Variants in DCC observed in about 807,000 individuals in gnomAD.
DCC encodes DCC netrin 1 receptor, also known as netrin receptor DCC.
DCC carries 58 observed loss-of-function variants against 172.5 expected under a neutral mutation model. That is an observed-to-expected ratio of 0.34 (90% CI 0.27 to 0.42). DCC has a LOEUF of 0.42. DCC is among the 10% of genes least tolerant of loss of function. DCC has a pLI of 1.00. For missense variants in DCC, 1,740 were observed against 1,791.0 expected (o/e 0.97, Z 0.51); for synonymous variants, 709 against 644.5 (o/e 1.10, Z -1.52).
At chr18:53,060,008 C>A (rs1373117134) in intron 5 of DCC, among the ~76,000 whole-genome samples, 2 of 151,132 alleles carry the variant, frequency 1.3e-5, no homozygotes, top group East Asian at 3.9e-4. Context: ...GACTTAGACT[C>A]ATTTTTTTTT....
At chr18:53,229,358 T>C in intron 12 of DCC, among the ~76,000 whole-genome samples, 1 of 152,140 alleles carries the variant, frequency 6.6e-6, no homozygotes, top group East Asian at 1.9e-4. Flanking sequence ...GTGAGCCCTA[T>C]GTTAAACACA....
chr18:52,782,157 A>T (rs933727983), intron 2 of DCC, among the ~76,000 whole-genome samples: 5 of 152,156 alleles, frequency 3.3e-5, no homozygotes, highest in Non-Finnish European at 5.9e-5. Context: ...AAACAAAAGG[A>T]TCTTTACAAA....
intron 7 of DCC, among the ~76,000 whole-genome samples, chr18:53,082,083 C>A (rs1353272699): frequency 6.6e-6 from 1 of 152,058 alleles, no homozygotes; most frequent in Non-Finnish European, 1.5e-5. Context: ...CCCCATGCAG[C>A]AGTAATGGAA....
At chr18:53,035,718 G>T (rs2042083697) in intron 5 of DCC, among the ~76,000 whole-genome samples, 1 of 151,956 alleles carries the variant, frequency 6.6e-6, no homozygotes, top group Admixed American at 6.6e-5. Context: ...TCATGTAACG[G>T]GGTAGTTGGC....
chr18:53,365,091 A>G (rs1156588674), intron 15 of DCC, among the ~76,000 whole-genome samples: 1 of 151,288 alleles, frequency 6.6e-6, no homozygotes, highest in East Asian at 1.9e-4. Context: ...CCACCCCACA[A>G]CAGGCCCTGG....
intron 1 of DCC, among the ~76,000 whole-genome samples, chr18:52,558,325 G>A (rs775280687): frequency 4.6e-5 from 7 of 151,728 alleles, no homozygotes; most frequent in Non-Finnish European, 1.0e-4. Flanking sequence ...TATGAATAAC[G>A]CTATATTTAG....
intron 2 of DCC, among the ~76,000 whole-genome samples, chr18:52,805,894 T>C (rs771120791): frequency 1.3e-5 from 2 of 152,210 alleles, no homozygotes; most frequent in Non-Finnish European, 2.9e-5. Flanking sequence ...TGAAATATCC[T>C]CTTTTTATTT....
chr18:52,381,275 C>T (rs970439006), intron 1 of DCC, among the ~76,000 whole-genome samples: 1 of 152,072 alleles, frequency 6.6e-6, no homozygotes, highest in Non-Finnish European at 1.5e-5. Flanking sequence ...TCTGGATTTA[C>T]TTAAGGGGGA....
rs539410772 is a variant in DCC, at chr18:53,378,803, G to A, written c.2360-7240G>A. 3.3e-5 allele frequency among the ~76,000 whole-genome samples: 5 copies of A among 152,286 alleles called. No individual in the cohort carries two copies. In the South Asian group the frequency reaches 1.0e-3, roughly 32 times the overall value. ...TCAAATACTTTCTCACACTGAGTAG[G>A]TGAGTAGCTGGTATCTGCAAGACTG... On this transcript the variant is annotated intron_variant, in intron 15 of 28. Transcript: ENST00000442544.
intron 2 of DCC, among the ~76,000 whole-genome samples, chr18:52,782,976 T>G (rs1470422022): frequency 2.6e-5 from 4 of 152,100 alleles, no homozygotes; most frequent in Admixed American, 1.3e-4. Context: ...TAAATGTCTT[T>G]GGACAGATGG....
At chr18:52,452,831 C>A (rs1046753731) in intron 1 of DCC, among the ~76,000 whole-genome samples, 4 of 152,206 alleles carry the variant, frequency 2.6e-5, no homozygotes, top group Non-Finnish European at 4.4e-5. Flanking sequence ...TTTTATACCT[C>A]AAGAGTAAAG....
intron 15 of DCC, among the ~76,000 whole-genome samples, chr18:53,370,099 T>C (rs2058044925): frequency 6.6e-6 from 1 of 151,844 alleles, no homozygotes; most frequent in Admixed American, 6.6e-5. Context: ...CTTTTACTTG[T>C]TGGGGAATTT....
At chr18:52,933,622 A>G (rs1215270521) in intron 5 of DCC, among the ~76,000 whole-genome samples, 1 of 152,012 alleles carries the variant, frequency 6.6e-6, no homozygotes, top group African/African-American at 2.4e-5. Flanking sequence ...GGTTAGATTT[A>G]TCTTAAGGGC....
intron 1 of DCC, among the ~76,000 whole-genome samples, chr18:52,694,117 C>T (rs1421648160): frequency 6.6e-6 from 1 of 152,084 alleles, no homozygotes; most frequent in East Asian, 1.9e-4. Flanking sequence ...GAGGAGAACA[C>T]TTCACTTCTA....
Position 53,407,556 on chromosome 18 carries a change from T to TATATATATATAA in DCC, c.2936-2896_2936-2895insATATATATATAA, listed in dbSNP as rs1192623109. On this transcript the variant is annotated intron_variant, in intron 19 of 28. Coordinates refer to ENST00000442544, the MANE Select transcript of DCC (RefSeq NM_005215.4). Reference sequence around the variant, plus strand: ...ATATATATATATATATATATATATATTCACTATTACTCTCTCTCTATATAT... The same window carrying TATATATATATAA: ...ATATATATATATATATATATATATATATATATATATAATCACTATTACTCTCTCTCTATATAT... Among the ~76,000 whole-genome samples, 3 of 140,390 alleles carry TATATATATATAA rather than the reference T, an allele frequency of 2.1e-5. No individual in the cohort carries two copies. In the East Asian group the frequency reaches 6.2e-4, roughly 29 times the overall value. The allele number at this position is 140,390 out of a possible 152,430, so 92.1% of individuals were successfully genotyped here.
At chr18:53,135,675 T>C (rs2043730585) in intron 7 of DCC, among the ~76,000 whole-genome samples, 1 of 152,164 alleles carries the variant, frequency 6.6e-6, no homozygotes, top group Admixed American at 6.5e-5. Flanking sequence ...ACCTCTTGCA[T>C]TTATTTATGT....
intron 1 of DCC, among the ~76,000 whole-genome samples, chr18:52,578,974 C>T (rs1055174396): frequency 5.3e-5 from 8 of 151,992 alleles, no homozygotes; most frequent in African/African-American, 1.9e-4. Flanking sequence ...AGTGAGACTC[C>T]GTCTGGAAAA....
rs557431206 is a variant in DCC at position 53,097,969 on chromosome 18, G to T, written c.1261+31803G>T. 3.9e-5 allele frequency among the ~76,000 whole-genome samples: 6 copies of T among 152,106 alleles called. No homozygotes were observed. The South Asian group carries it at 1.2e-3, about 32-fold the overall frequency. ...TCACATTGGGGGTTAGAGCTTCAACGTATCAATTTTGAGGCTACACAACTC... is the reference window on the plus strand; with the variant it reads ...TCACATTGGGGGTTAGAGCTTCAACTTATCAATTTTGAGGCTACACAACTC... On this transcript the variant is annotated intron_variant, in intron 7 of 28. Coordinates refer to ENST00000442544, the MANE Select transcript of DCC (RefSeq NM_005215.4).
At chr18:53,428,368 TA>T (rs1446881499) in intron 21 of DCC, among the ~76,000 whole-genome samples, 12 of 43,460 alleles carry the variant, frequency 2.8e-4, no homozygotes, top group South Asian at 2.6e-3. Context: ...GTATATAATA[TA>T]ATATTATAAT....
Sources: allele counts gnomAD v4.1 joint callset (sites outside exome capture counted in the v4.1 genomes callset), GRCh38; gene constraint gnomAD v4.1.1; transcripts MANE v1.5; gene names NCBI Gene and HGNC (gene_info 2026-07-23, HGNC 2026-07-21).